Variants in TRIO observed in about 807,000 individuals in gnomAD.
The protein encoded by TRIO is triple functional domain protein.
A neutral mutation model predicts 351.9 loss-of-function variants in TRIO; 58 were observed. The observed-to-expected ratio is 0.16, with a 90% CI of 0.13 to 0.21. The LOEUF (loss-of-function observed/expected upper bound fraction) is 0.21, where lower values mean the gene tolerates loss of function less well. Ranked by LOEUF, TRIO falls within the 10% of genes least tolerant of loss-of-function variation. The pLI is 1.00. For missense variants in TRIO, 3,201 were observed against 4,027.8 expected, an observed-to-expected ratio of 0.79 and a Z score of 5.56; for synonymous variants, 1,758 against 1,595.7, an observed-to-expected ratio of 1.10 and a Z score of -2.42.
Position 14,387,459 on chromosome 5 carries a change from C to T in TRIO, c.3592C>T (p.Leu1198=). 6.2e-7 allele frequency: 1 copy of T among 1,611,700 alleles called. No homozygotes were observed. Among genetic ancestry groups the T allele is most frequent in the South Asian group, 1.1e-5 (1 of 90,828 alleles). Residue 1198 remains leucine, a synonymous_variant, in exon 22 of 57, where the codon CTA becomes TTA. Coordinates refer to ENST00000344204, the MANE Select transcript of TRIO (RefSeq NM_007118.4). ...GCAGCAAACCAAAGAGAGAGTGAAG[C>T]TATTGATACAGCTGGCTGATGGCTT... ...TAKQTKERVK[L]LIQLADGFCE...
intron 20 of TRIO, among the ~76,000 whole-genome samples, chr5:14,378,933 T>A (rs527407843): frequency 3.3e-5 from 5 of 152,236 alleles, no homozygotes; most frequent in Non-Finnish European, 7.3e-5. Flanking sequence ...TATCCCCTTC[T>A]TAAGTCATTT....
chr5:14,310,916 C>A (rs188257810), intron 8 of TRIO, among the ~76,000 whole-genome samples: 41 of 152,342 alleles, frequency 2.7e-4, no homozygotes, highest in African/African-American at 8.4e-4. Context: ...GAACTCCTGA[C>A]TTCAAGTGAT....
intron 9 of TRIO, among the ~76,000 whole-genome samples, chr5:14,329,542 A>G (rs756893860): frequency 1.3e-5 from 2 of 152,204 alleles, no homozygotes; most frequent in South Asian, 2.1e-4. Flanking sequence ...TGTCCAGACT[A>G]TGAAGCCCTA....
intron 11 of TRIO, among the ~76,000 whole-genome samples, chr5:14,349,751 G>A (rs1040541939): frequency 6.6e-6 from 1 of 152,114 alleles, no homozygotes; most frequent in Non-Finnish European, 1.5e-5. Context: ...TAGATTCAGG[G>A]GTACATGTGC....
chr5:14,394,549 T>G (rs1747396362), intron 28 of TRIO, among the ~76,000 whole-genome samples: 1 of 152,088 alleles, frequency 6.6e-6, no homozygotes, highest in Non-Finnish European at 1.5e-5. Context: ...TCAAACACGT[T>G]AACAGGCTCA....
intron 53 of TRIO, 48 bp from the exon 54 acceptor site, chr5:14,502,531 A>G (rs751394949): frequency 1.2e-6 from 2 of 1,604,878 alleles, no homozygotes; most frequent in South Asian, 2.2e-5. Context: ...TTCTTACCCA[A>G]GAAGCTCCAC....
chr5:14,330,900 G>A lies in TRIO; in HGVS notation c.1854G>A (p.Gln618=). 1.2e-6 allele frequency: 2 copies of A among 1,613,928 alleles called. No individual in the cohort carries two copies. The highest frequency in any genetic ancestry group is 1.7e-6 in the Non-Finnish European group (2 of 1,179,894). The change falls in exon 10 of 57, where the codon CAG becomes CAA. Residue 618 remains glutamine, a splice_region_variant and synonymous_variant. Transcript: ENST00000344204. ...KRHEDFEEVA[Q]NTYTNADKLL... ...ATGAAGATTTTGAAGAAGTGGCACAGGTAAAACAATGGCTTCTATTATTTT... is the reference window on the plus strand; with the variant it reads ...ATGAAGATTTTGAAGAAGTGGCACAAGTAAAACAATGGCTTCTATTATTTT...
chr5:14,360,900 G>C (rs39866), intron 13 of TRIO, among the ~76,000 whole-genome samples: 102,704 of 152,166 alleles, frequency 0.67, 37,157 homozygotes, highest in Non-Finnish European at 0.8. Context: ...GGTGAAACCT[G>C]TTCAGATGCT....
In TRIO at chr5:14,374,221, T is replaced by C; in HGVS notation, c.3217-8T>C. ...ATTAGCAACACATTGCTCTCCATTG[T>C]TTTTTAGGCTTGCACCCTTGCTCGG... On this transcript the variant is annotated splice_region_variant and splice_polypyrimidine_tract_variant and intron_variant, in intron 18 of 56. Coordinates refer to ENST00000344204, the MANE Select transcript of TRIO (RefSeq NM_007118.4). The C allele has an allele frequency of 6.2e-7, 1 of 1,611,524 alleles. No homozygotes were observed. Among genetic ancestry groups the C allele is most frequent in the East Asian group, 2.2e-5 (1 of 44,790 alleles).
Position 14,316,533 on chromosome 5 carries a change from G to A in TRIO, c.1521G>A (p.Ser507=), listed in dbSNP as rs55920001. The change falls in exon 9 of 57, where the codon TCG becomes TCA. Residue 507 remains serine, a synonymous_variant. Coordinates refer to ENST00000344204, the MANE Select transcript of TRIO (RefSeq NM_007118.4). ...GGCAGGTCAGCCAAGATGGGAAGTC[G>A]CTCCTTGACAAGCTCCAGCGGCCCT... The part of the protein sequence containing the change: ...AYSEVSQDGK[S]LLDKLQRPLT... 61,279 of 1,613,980 alleles carry A rather than the reference G, an allele frequency of 0.038. 1,476 individuals carry two copies. Among genetic ancestry groups the A allele is most frequent in the African/African-American group, 0.056 (4,200 of 75,030 alleles).
chr5:14,398,335 G>A (rs1263082994), intron 29 of TRIO, among the ~76,000 whole-genome samples: 1 of 152,208 alleles, frequency 6.6e-6, no homozygotes, highest in Admixed American at 6.5e-5. Context: ...CACATTCAGA[G>A]GAGGGAGGGT....
chr5:14,481,370 C>T lies in TRIO; in HGVS notation c.6387+86C>T, dbSNP rs1004177197. The T allele has an allele frequency of 2.3e-5, 36 of 1,569,432 alleles. No individual in the cohort carries two copies. In the African/African-American group the frequency reaches 4.1e-4, roughly 18 times the overall value. On this transcript the variant is annotated intron_variant, in intron 44 of 56. Transcript: ENST00000344204. ...AGTGTCTCCTAACAGTGGTCTGGCC[C>T]TGGGAGGGGGTCAAAGCAGTGGATG...
At position 14,374,256 on chromosome 5, in the gene TRIO, G is replaced by C; in HGVS notation, c.3244G>C (p.Asp1082His). The change falls in exon 19 of 57, where the codon GAC becomes CAC. Residue 1082 changes from aspartate to histidine, a missense_variant. Asp to His is a moderately conservative substitution (Grantham distance 81, BLOSUM62 -1). This residue lies in a region of TRIO where 201 missense variants were observed against 266.5 expected (regional missense o/e 0.75). Transcript: ENST00000344204. Reference sequence around the variant, plus strand: ...TTGCACCCTTGCTCGGAGGAATGCAGACGTCTTCCTGAAATACCTGCACAG... The same window carrying C: ...TTGCACCCTTGCTCGGAGGAATGCACACGTCTTCCTGAAATACCTGCACAG... ...KACTLARRNA[D>H]VFLKYLHRNS... 1 of 1,613,662 alleles carries C rather than the reference G, an allele frequency of 6.2e-7. No homozygotes were observed. The highest frequency in any genetic ancestry group is 8.5e-7 in the Non-Finnish European group (1 of 1,179,698).
intron 1 of TRIO, among the ~76,000 whole-genome samples, chr5:14,245,286 A>G (rs1794368104): frequency 6.6e-6 from 1 of 152,190 alleles, no homozygotes; most frequent in African/African-American, 2.4e-5. Context: ...AACCCTAGAA[A>G]TCTGAGCTCT....
chr5:14,282,118 A>G (rs144968395), intron 3 of TRIO, among the ~76,000 whole-genome samples: 8 of 152,356 alleles, frequency 5.3e-5, no homozygotes, highest in African/African-American at 1.9e-4. Context: ...ATCAGTGACT[A>G]AGTGAGCCCT....
At chr5:14,375,703 G>C (rs751393012) in intron 19 of TRIO, among the ~76,000 whole-genome samples, 13 of 152,152 alleles carry the variant, frequency 8.5e-5, no homozygotes, top group Admixed American at 8.5e-4. Flanking sequence ...AGGAAGCCCC[G>C]TATCCAAGAG....
At chr5:14,360,287 G>A (rs866467047) in intron 13 of TRIO, among the ~76,000 whole-genome samples, 2 of 152,188 alleles carry the variant, frequency 1.3e-5, no homozygotes, top group African/African-American at 4.8e-5. Flanking sequence ...GTGGTTCTGG[G>A]TTCTGTGCTT....
At chr5:14,323,366 T>C (rs1740060913) in intron 9 of TRIO, among the ~76,000 whole-genome samples, 1 of 151,886 alleles carries the variant, frequency 6.6e-6, no homozygotes, top group Non-Finnish European at 1.5e-5. Context: ...GCTCTGGGTC[T>C]GAGGAGGATG....
intron 34 of TRIO, among the ~76,000 whole-genome samples, chr5:14,455,322 C>T (rs1452408061): frequency 2.0e-5 from 3 of 152,150 alleles, no homozygotes; most frequent in Admixed American, 6.5e-5. Context: ...CTGATTGGTG[C>T]GTTTACAATC....
Sources: allele counts gnomAD v4.1 joint callset (sites outside exome capture counted in the v4.1 genomes callset), GRCh38; gene constraint gnomAD v4.1.1; regional missense constraint gnomAD v4.1.1; transcripts MANE v1.5; gene names NCBI Gene and HGNC (gene_info 2026-07-23, HGNC 2026-07-21).